DSC2: variants seen among roughly 807,000 people sequenced by gnomAD.
DSC2 encodes the protein desmocollin 2.
A neutral mutation model predicts 87.6 loss-of-function variants in DSC2; 51 were observed. The observed-to-expected ratio is 0.58, with a 90% CI of 0.46 to 0.74. DSC2 has a LOEUF of 0.74. Ranked by LOEUF, DSC2 falls within the 30% of genes least tolerant of loss-of-function variation. The pLI, the probability that DSC2 is intolerant of heterozygous loss-of-function variation, is 0.00. For synonymous variants in DSC2, 383 were observed against 393.2 expected (o/e 0.97, Z 0.31); for missense variants, 1,066 against 1,089.5 (o/e 0.98, Z 0.30).
rs957444663 is a variant in DSC2 at position 31,066,674 on chromosome 18, T to C, written c.*1341A>G. On this transcript the variant is annotated 3_prime_UTR_variant, in exon 16 of 16. Coordinates refer to ENST00000280904, the MANE Select transcript of DSC2 (RefSeq NM_024422.6). ...AGTCATGAAACATGGACTGGAATTT[T>C]GTGAGCTATTAAGTTTCATTTTGTT... 2 of 152,176 alleles carry C rather than the reference T, an allele frequency of 1.3e-5. No homozygotes were observed. The highest frequency in any genetic ancestry group is 2.9e-5 in the Non-Finnish European group (2 of 67,986). The allele number at this position is 152,176 out of a possible 1,614,324, so 9.4% of individuals were successfully genotyped here.
At chr18:31,074,946 G>A (rs758475773) in intron 11 of DSC2, 39 bp from the exon 12 acceptor site, 12 of 1,563,204 alleles carry the variant, frequency 7.7e-6, no homozygotes, top group Non-Finnish European at 1.7e-6. Context: ...TCTATGTTTT[G>A]AGTTTTCACC....
rs794728067 is a variant in DSC2 at position 31,083,009 on chromosome 18, A to G, written c.994T>C (p.Tyr332His). The G allele has an allele frequency of 3.1e-6, 5 of 1,613,428 alleles. No homozygotes were observed. The Middle Eastern group carries it at 5.3e-4, about 170-fold the overall frequency. ...GTTGAAGTTGTCTGTAGACCAAAAT[A>G]CTGACCATCCATGTCTTGTACTTTT... ...KIKVQDMDGQYFGLQTTSTCI... is the reference protein window; with the variant it reads ...KIKVQDMDGQHFGLQTTSTCI... Residue 332 changes from tyrosine to histidine, a missense_variant, in exon 8 of 16, where the codon TAT becomes CAT. By Grantham distance (83) the Tyr-to-His change is moderately conservative (BLOSUM62 2). Coordinates refer to ENST00000280904, the MANE Select transcript of DSC2 (RefSeq NM_024422.6).
Position 31,068,217 on chromosome 18 carries a change from C to T in DSC2, c.2509-5G>A. On this transcript the variant is annotated splice_polypyrimidine_tract_variant and splice_region_variant and intron_variant, in intron 15 of 15. Coordinates refer to ENST00000280904, the MANE Select transcript of DSC2 (RefSeq NM_024422.6). ...TTGATTACACAGATACACTTTCTGC[C>T]AAGGGGAAAAACACAACGTTTTTAT... is the stretch of plus-strand genomic sequence containing the variant. 1.2e-6 allele frequency: 2 copies of T among 1,613,940 alleles called. No homozygotes were observed. Among genetic ancestry groups the T allele is most frequent in the Non-Finnish European group, 1.7e-6 (2 of 1,179,958 alleles).
intron 14 of DSC2, among the ~76,000 whole-genome samples, chr18:31,070,195 T>C (rs1986776850): frequency 6.6e-6 from 1 of 152,218 alleles, no homozygotes; most frequent in African/African-American, 2.4e-5. Flanking sequence ...ACTTGTTCCT[T>C]TTCCACATAT....
chr18:31,088,461 AG>A (rs1734518878), intron 5 of DSC2, among the ~76,000 whole-genome samples: 2 of 152,190 alleles, frequency 1.3e-5, no homozygotes, highest in African/African-American at 4.8e-5. Context: ...AGAACATCCT[AG>A]GTACTCAGAA....
chr18:31,094,446 A>G (rs1390271663), intron 1 of DSC2, among the ~76,000 whole-genome samples: 4 of 152,188 alleles, frequency 2.6e-5, no homozygotes, highest in East Asian at 3.9e-4. Context: ...AAAATTTTCA[A>G]TGGTTTAGTG....
chr18:31,070,325 C>G (rs1300824039), intron 14 of DSC2, among the ~76,000 whole-genome samples: 1 of 152,170 alleles, frequency 6.6e-6, no homozygotes, highest in Non-Finnish European at 1.5e-5. Context: ...AAGTTCTTCC[C>G]ACGATGATCA....
chr18:31,080,503 T>A, intron 9 of DSC2, 151 bp from the exon 10 acceptor site: 1 of 975,914 alleles, frequency 1.0e-6, no homozygotes. Flanking sequence ...TGATATGGTT[T>A]GGCTCTGTGT....
At chr18:31,069,916 C>T (rs1986769042) in intron 14 of DSC2, among the ~76,000 whole-genome samples, 1 of 152,042 alleles carries the variant, frequency 6.6e-6, no homozygotes, top group African/African-American at 2.4e-5. Context: ...AGTTATACTT[C>T]AACTAAATCA....
chr18:31,071,627 C>T lies in DSC2; in HGVS notation c.2103G>A (p.Leu701=), dbSNP rs141726394. 13 of 1,613,938 alleles carry T rather than the reference C, an allele frequency of 8.1e-6. No individual in the cohort carries two copies. The African/African-American group carries it at 1.7e-4, about 22-fold the overall frequency. ...QLGKWAILAI[L]LGIALLFCIL... ...TACAAAAGAGCAATGCTATGCCCAA[C>T]AATATTGCAAGGATGGCCCACTTTC... Residue 701 remains leucine (L), a synonymous_variant, in exon 13 of 16, where the codon TTG becomes TTA. Coordinates refer to ENST00000280904, the MANE Select transcript of DSC2 (RefSeq NM_024422.6).
chr18:31,068,776 CAATTAGTAG>C, intron 15 of DSC2, 109 bp downstream of exon 15: 1 of 1,346,742 alleles, frequency 7.4e-7, no homozygotes, highest in Non-Finnish European at 1.0e-6. Context: ...TAATAGCTTT[CAATTAGTAG>C]AATTAGTAGA....
In DSC2 at chr18:31,089,164, CA is replaced by C. The variant is rs768405529; in HGVS notation, c.630+274del. On this transcript the variant is annotated intron_variant, in intron 5 of 15. Coordinates refer to ENST00000280904, the MANE Select transcript of DSC2 (RefSeq NM_024422.6). ...TGGGTGGCAAAGTGAGATGCTGTCT[CA>C]AAAAAAAAAAAAAAAAAACTGTTCT... is the stretch of plus-strand genomic sequence containing the variant. 4.0e-3 allele frequency among the ~76,000 whole-genome samples: 414 copies of C among 102,852 alleles called. 1 individual carries two copies. The highest frequency in any genetic ancestry group is 0.013 in the South Asian group (35 of 2,704). The allele number at this position is 102,852 out of a possible 152,430, so 67.5% of individuals were successfully genotyped here.
Position 31,091,080 on chromosome 18 carries a change from G to T in DSC2, c.422C>A (p.Pro141His). 6 of 1,614,034 alleles carry T rather than the reference G, an allele frequency of 3.7e-6. No individual in the cohort carries two copies. Among genetic ancestry groups the T allele is most frequent in the Non-Finnish European group, 2.5e-6 (3 of 1,179,940 alleles). The change falls in exon 4 of 16, where the codon CCT becomes CAT. Residue 141 changes from proline (P) to histidine (H), a missense_variant. Transcript: ENST00000280904. ...CAAGGAGTTTTCTAGCATCGAACAA[G>T]GAATTGGAGCCCATCTTCTCTTGGC... ...RRAKRRWAPI[P>H]CSMLENSLGP...
rs1986679369 is a variant in DSC2, at chr18:31,067,941, T to G, written c.*74A>C. ...CCCCCACAAATAGCATCTTCTGCTT[T>G]AAAAAATTCTTGGTTTGTAATTTTT... On this transcript the variant is annotated 3_prime_UTR_variant, in exon 16 of 16. Transcript: ENST00000280904. The G allele has an allele frequency of 7.0e-7, 1 of 1,421,670 alleles. No individual in the cohort carries two copies. Among genetic ancestry groups the G allele is most frequent in the Non-Finnish European group, 9.8e-7 (1 of 1,019,116 alleles). The allele number at this position is 1,421,670 out of a possible 1,614,324, so 88.1% of individuals were successfully genotyped here.
At chr18:31,101,560 T>C in intron 1 of DSC2, 1 of 276,504 alleles carries the variant, frequency 3.6e-6, no homozygotes, top group Non-Finnish European at 6.7e-6. Context: ...CCCGGCGCAC[T>C]CCGACCCCGG....
chr18:31,080,314 T>C lies in DSC2; in HGVS notation c.1302A>G (p.Gln434=). 6.2e-7 allele frequency: 1 copy of C among 1,613,984 alleles called. No homozygotes were observed. The highest frequency in any genetic ancestry group is 2.2e-5 in the East Asian group (1 of 44,862). ...NYEEKQQMIL[Q]IGVVNEAPFS... is the part of the protein sequence containing the mutation. The stretch of plus-strand genomic sequence containing the variant: ...ATGGAGCTTCATTAACTACACCAAT[T>C]TGCAAGATCATCTGTTGCTTTTCTT... The change falls in exon 10 of 16, where the codon CAA becomes CAG. Residue 434 remains glutamine (Q), a synonymous_variant. Transcript: ENST00000280904.
At chr18:31,073,984 A>G (rs1598575108) in intron 12 of DSC2, among the ~76,000 whole-genome samples, 1 of 152,238 alleles carries the variant, frequency 6.6e-6, no homozygotes, top group East Asian at 1.9e-4. Flanking sequence ...AAGGACTTGC[A>G]TCCCAGCTGC....
chr18:31,075,060 A>G (rs1986971086), intron 11 of DSC2, among the ~76,000 whole-genome samples, 153 bp from the exon 12 acceptor site: 1 of 152,268 alleles, frequency 6.6e-6, no homozygotes, highest in Admixed American at 6.5e-5. Context: ...GGAATGTTAC[A>G]AGAAAAATAG....
intron 7 of DSC2, among the ~76,000 whole-genome samples, chr18:31,084,665 C>T (rs12971083): frequency 0.45 from 66,167 of 146,564 alleles, 14,922 homozygotes; most frequent in East Asian, 0.56. Context: ...TGAGTTTTTG[C>T]TTTTTTTTTT....
Sources: gnomAD v4.1 joint callset for allele counts (sites outside exome capture counted in the v4.1 genomes callset) on GRCh38, gnomAD v4.1.1 for gene constraint, MANE v1.5 for transcripts, NCBI Gene and HGNC (gene_info 2026-07-23, HGNC 2026-07-21) for gene names.